NRG3: variants seen among roughly 807,000 people sequenced by gnomAD.
The protein encoded by NRG3 is neuregulin 3.
Under a neutral mutation model 66.9 loss-of-function variants are expected in NRG3, and 31 were observed. The observed-to-expected ratio is 0.46, with a 90% CI of 0.35 to 0.63. The LOEUF (loss-of-function observed/expected upper bound fraction) is 0.63, where lower values mean the gene tolerates loss of function less well. Ranked by LOEUF, NRG3 falls within the 20% of genes least tolerant of loss-of-function variation. The pLI is 0.00. For missense variants in NRG3, 910 were observed against 878.9 expected, an observed-to-expected ratio of 1.04 and a Z score of -0.45; for synonymous variants, 393 against 359.4, an observed-to-expected ratio of 1.09 and a Z score of -1.06.
intron 1 of NRG3, among the ~76,000 whole-genome samples, chr10:82,183,435 A>T (rs1228855674): frequency 2.0e-5 from 3 of 151,932 alleles, no homozygotes; most frequent in Admixed American, 6.6e-5. Context: ...CTGTTGAACC[A>T]TTCTAGTGAA....
At chr10:82,724,079 A>G (rs1208548132) in intron 2 of NRG3, among the ~76,000 whole-genome samples, 2 of 152,054 alleles carry the variant, frequency 1.3e-5, no homozygotes, top group Non-Finnish European at 2.9e-5. Context: ...AAAAAGAAAA[A>G]AAAACAAGAA....
At chr10:82,301,115 T>G (rs1851539564) in intron 1 of NRG3, among the ~76,000 whole-genome samples, 1 of 152,214 alleles carries the variant, frequency 6.6e-6, no homozygotes, top group African/African-American at 2.4e-5. Flanking sequence ...ATATTTGTGC[T>G]GTGTTTTAAC....
chr10:82,751,157 T>C (rs865888693), intron 3 of NRG3, among the ~76,000 whole-genome samples: 1 of 152,146 alleles, frequency 6.6e-6, no homozygotes, highest in Non-Finnish European at 1.5e-5. Context: ...TAGTCTCTCC[T>C]TATGAATAAG....
At chr10:82,399,899 A>C (rs541188007) in intron 2 of NRG3, among the ~76,000 whole-genome samples, 2 of 152,306 alleles carry the variant, frequency 1.3e-5, no homozygotes, top group South Asian at 2.1e-4. Context: ...GAAATATATA[A>C]ATTTATCTAC....
intron 3 of NRG3, among the ~76,000 whole-genome samples, chr10:82,761,015 T>C (rs567006821): frequency 1.3e-5 from 2 of 151,952 alleles, no homozygotes; most frequent in South Asian, 4.1e-4. Flanking sequence ...TAAATAGCAC[T>C]GAGGAAATTG....
intron 1 of NRG3, among the ~76,000 whole-genome samples, chr10:81,891,654 G>A (rs963895917): frequency 5.3e-5 from 8 of 152,174 alleles, no homozygotes; most frequent in African/African-American, 1.7e-4. Context: ...TCTGTGGAAA[G>A]TTGGAAATAA....
At chr10:82,355,368 T>C (rs1186551640) in intron 1 of NRG3, among the ~76,000 whole-genome samples, 2 of 152,202 alleles carry the variant, frequency 1.3e-5, no homozygotes, top group Non-Finnish European at 2.9e-5. Flanking sequence ...GCACCTTACA[T>C]TTTATTTTTG....
At position 82,846,247 on chromosome 10, in the gene NRG3, C is replaced by T. The variant is rs571555824; in HGVS notation, c.1028-19164C>T. Among the ~76,000 whole-genome samples the T allele has an allele frequency of 1.5e-4, 23 of 151,888 alleles. No individual in the cohort carries two copies. The South Asian group carries it at 2.3e-3, about 15-fold the overall frequency. The stretch of plus-strand genomic sequence containing the variant: ...TTTTCTAACCAGTGGATTTTGGCTA[C>T]GAGAGAAAAAGAGATAGCAAACAAG... On this transcript the variant is annotated intron_variant, in intron 3 of 8. Transcript: ENST00000372141.
chr10:82,868,856 C>T (rs2135970362), intron 4 of NRG3, among the ~76,000 whole-genome samples: 1 of 152,210 alleles, frequency 6.6e-6, no homozygotes, highest in Admixed American at 6.5e-5. Flanking sequence ...CCACGCTCAA[C>T]TAATTTTTGT....
chr10:81,933,107 C>CAAAAAAAAAAAAAAAAA (rs769607380), intron 1 of NRG3, among the ~76,000 whole-genome samples: 1 of 59,524 alleles, frequency 1.7e-5, no homozygotes, highest in Admixed American at 2.0e-4. Flanking sequence ...CGCTCCATCT[C>CAAAAAAAAAAAAAAAAA]AAAAAAAAAA....
At chr10:82,727,304 C>A (rs963963497) in intron 2 of NRG3, among the ~76,000 whole-genome samples, 4 of 147,214 alleles carry the variant, frequency 2.7e-5, no homozygotes, top group Non-Finnish European at 6.0e-5. Context: ...CAGCCCCTCC[C>A]ATCACAGGCC....
intron 1 of NRG3, among the ~76,000 whole-genome samples, chr10:82,330,362 A>C (rs1037152887): frequency 1.5e-5 from 2 of 135,756 alleles, no homozygotes; most frequent in Non-Finnish European, 3.1e-5. Context: ...TCATGATTAC[A>C]TAATATGTTT....
chr10:82,035,071 T>C (rs2062739502), intron 1 of NRG3, among the ~76,000 whole-genome samples: 1 of 152,088 alleles, frequency 6.6e-6, no homozygotes, highest in Non-Finnish European at 1.5e-5. Context: ...GTGGGTTTGA[T>C]TTTCTTTACC....
intron 2 of NRG3, among the ~76,000 whole-genome samples, chr10:82,581,113 G>A (rs949037369): frequency 6.6e-6 from 1 of 151,818 alleles, no homozygotes; most frequent in Non-Finnish European, 1.5e-5. Context: ...AGCCTTTGTT[G>A]TCTATGTTTT....
chr10:81,910,467 T>C (rs1017063051), intron 1 of NRG3, among the ~76,000 whole-genome samples: 37 of 152,294 alleles, frequency 2.4e-4, no homozygotes, highest in African/African-American at 8.9e-4. Flanking sequence ...TTAAACAACA[T>C]GCATTAAATG....
At chr10:82,210,859 C>T (rs187934622) in intron 1 of NRG3, among the ~76,000 whole-genome samples, 2 of 151,560 alleles carry the variant, frequency 1.3e-5, no homozygotes, top group East Asian at 3.9e-4. Context: ...AAAAGTAGCT[C>T]CTTGATATTA....
chr10:82,689,544 T>C (rs1335718638), intron 2 of NRG3, among the ~76,000 whole-genome samples: 1 of 152,194 alleles, frequency 6.6e-6, no homozygotes, highest in African/African-American at 2.4e-5. Context: ...TAGCAGTCAA[T>C]ATAGGTTATG....
chr10:82,359,162 C>T (rs1358957234), intron 2 of NRG3, among the ~76,000 whole-genome samples: 1 of 152,194 alleles, frequency 6.6e-6, no homozygotes, highest in African/African-American at 2.4e-5. Flanking sequence ...ACTTTAGAAG[C>T]GTCTGTTTAT....
chr10:82,676,848 A>G (rs993018374), intron 2 of NRG3, among the ~76,000 whole-genome samples: 2 of 150,032 alleles, frequency 1.3e-5, no homozygotes, highest in Admixed American at 6.6e-5. Context: ...TTTTTTTTCT[A>G]TTGTAGTTTG....
Sources: allele counts gnomAD v4.1 joint callset (sites outside exome capture counted in the v4.1 genomes callset), GRCh38; gene constraint gnomAD v4.1.1; transcripts MANE v1.5; gene names NCBI Gene and HGNC (gene_info 2026-07-23, HGNC 2026-07-21).